The following OPRD1 variants were observed in gnomAD, a reference collection of about 807,000 sequenced individuals.
OPRD1 encodes the protein opioid receptor delta 1.
OPRD1 carries 19 observed loss-of-function variants against 17.5 expected under a neutral mutation model. The observed-to-expected ratio is 1.09, with a 90% CI of 0.76 to 1.60. The LOEUF (loss-of-function observed/expected upper bound fraction) is 1.60. OPRD1 is among the 40% of genes most tolerant of loss of function. The pLI, the probability that OPRD1 is intolerant of heterozygous loss-of-function variation, is 0.00. For synonymous variants in OPRD1, 256 were observed against 240.9 expected (o/e 1.06, Z -0.58); for missense variants, 483 against 547.2 (o/e 0.88, Z 1.17).
intron 1 of OPRD1, among the ~76,000 whole-genome samples, chr1:28,854,909 C>T (rs1026152501): frequency 1.3e-5 from 2 of 152,118 alleles, no homozygotes; most frequent in African/African-American, 4.8e-5. Flanking sequence ...CTCAGCCTCC[C>T]AAAGTGCTGG....
At position 28,866,220 on chromosome 1, in the gene OPRD1, G is replaced by A. The variant is rs2089174693; in HGVS notation, c.*2937G>A. 6.6e-6 allele frequency: 1 copy of A among 152,226 alleles called. No homozygotes were observed. The highest frequency in any genetic ancestry group is 2.4e-5 in the African/African-American group (1 of 41,450). The allele number at this position is 152,226 out of a possible 1,614,324, so 9.4% of individuals were successfully genotyped here. A position where few individuals can be genotyped will look rare whatever the true frequency, so the allele number is the denominator to read the frequency against. ...TCAGTGTGATGAGTGCGGTGACAGGGAGCCCCAGGGAGGGTGTCACAGGGA... is the reference window on the plus strand; with the variant it reads ...TCAGTGTGATGAGTGCGGTGACAGGAAGCCCCAGGGAGGGTGTCACAGGGA... On this transcript the variant is annotated 3_prime_UTR_variant, in exon 3 of 3. Transcript: ENST00000234961.
intron 1 of OPRD1, among the ~76,000 whole-genome samples, chr1:28,836,556 G>A (rs2088855299): frequency 6.6e-6 from 1 of 151,772 alleles, no homozygotes; most frequent in Non-Finnish European, 1.5e-5. Context: ...GAGGCTAGAA[G>A]TCTGAAATCA....
At chr1:28,845,158 T>C (rs1035615296) in intron 1 of OPRD1, among the ~76,000 whole-genome samples, 11 of 150,576 alleles carry the variant, frequency 7.3e-5, no homozygotes, top group Admixed American at 7.3e-4. Flanking sequence ...GCCTTACCAA[T>C]ATGGTGAAAC....
intron 1 of OPRD1, among the ~76,000 whole-genome samples, chr1:28,843,434 T>TGCCCATCCTCCCCTTGCCCTA (rs2088910537): frequency 6.6e-6 from 1 of 152,144 alleles, no homozygotes; most frequent in Admixed American, 6.6e-5. Context: ...AAGCAGTAAC[T>TGCCCATCCTCCCCTTGCCCTA]GCCCATCCTC....
At chr1:28,824,313 C>CTTTTTTTTT (rs58074384) in intron 1 of OPRD1, among the ~76,000 whole-genome samples, 8 of 109,780 alleles carry the variant, frequency 7.3e-5, no homozygotes, top group Admixed American at 2.0e-4. Context: ...TTTCTTTTTT[C>CTTTTTTTTT]TTTTTTTTTT....
At chr1:28,846,093 T>C (rs1173423038) in intron 1 of OPRD1, among the ~76,000 whole-genome samples, 2 of 152,214 alleles carry the variant, frequency 1.3e-5, no homozygotes, top group Non-Finnish European at 2.9e-5. Context: ...TTGCCTCCTT[T>C]CTGGCTCACT....
At chr1:28,836,827 G>A (rs929152474) in intron 1 of OPRD1, among the ~76,000 whole-genome samples, 1 of 152,122 alleles carries the variant, frequency 6.6e-6, no homozygotes, top group Non-Finnish European at 1.5e-5. Context: ...GCTGGGACCA[G>A]TGTGTGCCAC....
At chr1:28,849,352 T>C (rs977974727) in intron 1 of OPRD1, among the ~76,000 whole-genome samples, 4 of 152,038 alleles carry the variant, frequency 2.6e-5, no homozygotes, top group African/African-American at 9.7e-5. Context: ...GATGGGGAGA[T>C]TATTTTCTGA....
rs1404234520 is a variant in OPRD1 at position 28,812,264 on chromosome 1, CCGGGGCGCGGCAGCCGGCGGCGT to C, written c.-113_-91del. ...ACGAGGCGCAGAGACAGCGGGGCGG[CCGGGGCGCGGCAGCCGGCGGCGT>C]CGGGGCCGCGGCCTCTGCCTTGCCG... On this transcript the variant is annotated 5_prime_UTR_variant, in exon 1 of 3. Transcript: ENST00000234961. 2 of 550,604 alleles carry C rather than the reference CCGGGGCGCGGCAGCCGGCGGCGT, an allele frequency of 3.6e-6. No homozygotes were observed. Among genetic ancestry groups the C allele is most frequent in the East Asian group, 5.9e-5 (1 of 17,088 alleles). 34.1% of individuals were successfully genotyped at this position (550,604 alleles called of 1,614,324 possible).
chr1:28,823,193 T>C (rs2088730593), intron 1 of OPRD1, among the ~76,000 whole-genome samples: 1 of 138,236 alleles, frequency 7.2e-6, no homozygotes, highest in South Asian at 2.4e-4. Flanking sequence ...CTGTAGTCTT[T>C]TTTTTTTTTT....
At chr1:28,830,112 G>A (rs1319396428) in intron 1 of OPRD1, among the ~76,000 whole-genome samples, 1 of 152,142 alleles carries the variant, frequency 6.6e-6, no homozygotes, top group Non-Finnish European at 1.5e-5. Context: ...GAGAGGGAGA[G>A]AGATGGGGCA....
chr1:28,825,117 A>T (rs1181508330), intron 1 of OPRD1, among the ~76,000 whole-genome samples: 1 of 151,874 alleles, frequency 6.6e-6, no homozygotes, highest in Non-Finnish European at 1.5e-5. Flanking sequence ...TACAGGTGTG[A>T]ACCACTGCAC....
At chr1:28,825,395 C>CTT (rs11449748) in intron 1 of OPRD1, among the ~76,000 whole-genome samples, 1 of 151,466 alleles carries the variant, frequency 6.6e-6, no homozygotes. Context: ...GAAGTAGGTT[C>CTT]TTTTTTTTGA....
At chr1:28,834,391 T>C (rs1000919513) in intron 1 of OPRD1, among the ~76,000 whole-genome samples, 9 of 149,982 alleles carry the variant, frequency 6.0e-5, no homozygotes, top group African/African-American at 2.0e-4. Flanking sequence ...CTTTTTTTTT[T>C]TTTTTTTGAG....
chr1:28,861,516 C>T (rs1259628493), intron 2 of OPRD1, among the ~76,000 whole-genome samples: 1 of 152,176 alleles, frequency 6.6e-6, no homozygotes, highest in African/African-American at 2.4e-5. Context: ...ACTATCCCAG[C>T]TTACTGCAGC....
At chr1:28,824,500 A>C (rs2088747235) in intron 1 of OPRD1, among the ~76,000 whole-genome samples, 2 of 148,284 alleles carry the variant, frequency 1.3e-5, no homozygotes, top group African/African-American at 5.0e-5. Context: ...TTGTATTTTT[A>C]GTACAGACAG....
chr1:28,855,937 G>A (rs1399771161), intron 1 of OPRD1, among the ~76,000 whole-genome samples: 1 of 152,238 alleles, frequency 6.6e-6, no homozygotes, highest in Non-Finnish European at 1.5e-5. Context: ...TGCTGCCCTG[G>A]AGGACAATGA....
chr1:28,860,043 GGA>G (rs1326157732), intron 2 of OPRD1, among the ~76,000 whole-genome samples: 1 of 152,194 alleles, frequency 6.6e-6, no homozygotes, highest in African/African-American at 2.4e-5. Flanking sequence ...AGATGAATAT[GGA>G]GAGGGAGCGA....
rs1021975635 is a variant in OPRD1 at position 28,871,034 on chromosome 1, A to G, written c.*7751A>G. 1 of 152,236 alleles carries G rather than the reference A, an allele frequency of 6.6e-6. No homozygotes were observed. The highest frequency in any genetic ancestry group is 1.5e-5 in the Non-Finnish European group (1 of 68,046). 9.4% of individuals were successfully genotyped at this position (152,236 alleles called of 1,614,324 possible). A position where few individuals can be genotyped will look rare whatever the true frequency, so the allele number is the denominator to read the frequency against. ...CACTTCCCTCATGTTCCTGGGTCCC[A>G]GAAACAGACATCTGTTGGTAAAATC... On this transcript the variant is annotated 3_prime_UTR_variant, in exon 3 of 3. Transcript: ENST00000234961.
Sources: gnomAD v4.1 joint callset for allele counts (sites outside exome capture counted in the v4.1 genomes callset) on GRCh38, gnomAD v4.1.1 for gene constraint, MANE v1.5 for transcripts, NCBI Gene and HGNC (gene_info 2026-07-23, HGNC 2026-07-21) for gene names.